Variants in PTPRT observed in about 807,000 individuals in gnomAD.
PTPRT encodes protein tyrosine phosphatase receptor type T.
A neutral mutation model predicts 176.8 loss-of-function variants in PTPRT; 56 were observed. The ratio of observed to expected loss-of-function variants is 0.32; its 90% CI spans 0.26 to 0.40. PTPRT has a LOEUF of 0.40. Ranked by LOEUF, PTPRT falls within the 10% of genes least tolerant of loss-of-function variation. The pLI, the probability that PTPRT is intolerant of heterozygous loss-of-function variation, is 1.00. For synonymous variants in PTPRT, 783 were observed against 739.0 expected (o/e 1.06, Z -0.96); for missense variants, 1,540 against 1,908.2 (o/e 0.81, Z 3.60).
chr20:42,820,714 A>G (rs1972552754), intron 2 of PTPRT, among the ~76,000 whole-genome samples: 1 of 152,176 alleles, frequency 6.6e-6, no homozygotes, highest in Admixed American at 6.5e-5. Flanking sequence ...AAACACAATA[A>G]AAAATGATAA....
chr20:42,847,507 G>A (rs1413684411), intron 2 of PTPRT, among the ~76,000 whole-genome samples: 3 of 152,198 alleles, frequency 2.0e-5, no homozygotes, highest in African/African-American at 4.8e-5. Flanking sequence ...AACACCACTA[G>A]CACAGCTCTC....
intron 11 of PTPRT, among the ~76,000 whole-genome samples, chr20:42,329,007 A>G (rs6030140): frequency 0.12 from 18,075 of 151,994 alleles, 1,494 homozygotes; most frequent in African/African-American, 0.24. Context: ...TTCCCTAAAT[A>G]CCAGCAAAAA....
chr20:42,207,394 A>G (rs1414877829), intron 15 of PTPRT, among the ~76,000 whole-genome samples: 3 of 135,328 alleles, frequency 2.2e-5, no homozygotes, highest in Non-Finnish European at 4.7e-5. Context: ...AAAACTTTGA[A>G]AAAAATTTAG....
chr20:43,179,972 T>C (rs558234172), intron 1 of PTPRT, among the ~76,000 whole-genome samples: 13 of 152,332 alleles, frequency 8.5e-5, no homozygotes, highest in Admixed American at 2.6e-4. Flanking sequence ...ATGTTATTTC[T>C]GGGTGTGTGT....
At chr20:42,845,763 G>A (rs553809665) in intron 2 of PTPRT, among the ~76,000 whole-genome samples, 4 of 152,290 alleles carry the variant, frequency 2.6e-5, no homozygotes, top group East Asian at 1.9e-4. Context: ...AAGGGCAAGC[G>A]AGATTATCCC....
chr20:42,100,993 A>C (rs1265485759), intron 26 of PTPRT, among the ~76,000 whole-genome samples: 1 of 152,182 alleles, frequency 6.6e-6, no homozygotes, highest in Non-Finnish European at 1.5e-5. Flanking sequence ...CTTGGGAGAA[A>C]CTTCAAGAGG....
chr20:42,673,174 C>T (rs997083688), intron 7 of PTPRT, among the ~76,000 whole-genome samples: 2 of 152,186 alleles, frequency 1.3e-5, no homozygotes, highest in African/African-American at 4.8e-5. Flanking sequence ...AGAGACCTAG[C>T]ATTTAACCGA....
chr20:42,927,195 A>G (rs1979544324), intron 1 of PTPRT, among the ~76,000 whole-genome samples: 1 of 152,202 alleles, frequency 6.6e-6, no homozygotes, highest in African/African-American at 2.4e-5. Context: ...CCCAGAGCTG[A>G]AGCCACTGCC....
intron 6 of PTPRT, among the ~76,000 whole-genome samples, chr20:42,716,025 C>T (rs1569106604): frequency 6.6e-6 from 1 of 152,108 alleles, no homozygotes; most frequent in Admixed American, 6.5e-5. Flanking sequence ...TTAAAAAGTA[C>T]TTGTGCAGTG....
chr20:42,106,977 G>A (rs1986512687), intron 23 of PTPRT, 56 bp from the exon 24 acceptor site: 1 of 1,588,924 alleles, frequency 6.3e-7, no homozygotes, highest in African/African-American at 1.3e-5. Flanking sequence ...CCTGCCCTGG[G>A]GAGGCCCCTA....
At chr20:42,797,745 T>C (rs930478210) in intron 2 of PTPRT, among the ~76,000 whole-genome samples, 1 of 152,112 alleles carries the variant, frequency 6.6e-6, no homozygotes, top group Non-Finnish European at 1.5e-5. Context: ...CACAATGTAA[T>C]CACAAGGGTC....
chr20:43,147,476 C>G (rs1486325566), intron 1 of PTPRT, among the ~76,000 whole-genome samples: 1 of 152,174 alleles, frequency 6.6e-6, no homozygotes, highest in Non-Finnish European at 1.5e-5. Flanking sequence ...AGGGACTTCT[C>G]AATAGCAGAG....
chr20:42,637,545 C>A (rs980809997), intron 7 of PTPRT, among the ~76,000 whole-genome samples: 1 of 152,180 alleles, frequency 6.6e-6, no homozygotes. Flanking sequence ...GTTCTTTGTG[C>A]AGAGAAGCTT....
At chr20:43,129,854 G>GT (rs2013588390) in intron 1 of PTPRT, among the ~76,000 whole-genome samples, 1 of 151,824 alleles carries the variant, frequency 6.6e-6, no homozygotes. Flanking sequence ...TCCTGACCTC[G>GT]TGATCCGCCC....
At chr20:43,155,197 G>A (rs940877860) in intron 1 of PTPRT, among the ~76,000 whole-genome samples, 2 of 152,144 alleles carry the variant, frequency 1.3e-5, no homozygotes, top group African/African-American at 2.4e-5. Flanking sequence ...TCACTTCTGG[G>A]TATATATCCA....
chr20:42,712,291 C>T (rs1274385712), intron 6 of PTPRT, among the ~76,000 whole-genome samples: 2 of 152,148 alleles, frequency 1.3e-5, no homozygotes, highest in Non-Finnish European at 2.9e-5. Flanking sequence ...CTTAGATTTT[C>T]TCAGGCCACA....
rs182286959 is a variant in PTPRT at position 42,719,516 on chromosome 20, G to T, written c.859+36946C>A. The stretch of plus-strand genomic sequence containing the variant: ...AGCTTGGCAGGAAGGCAAGAAGTTA[G>T]CTCTATAGCCGTGGTCCTTGGGCAA... On this transcript the variant is annotated intron_variant, in intron 6 of 30. Coordinates refer to ENST00000373187, the MANE Select transcript of PTPRT (RefSeq NM_007050.6). Among the ~76,000 whole-genome samples, 13 of 152,322 alleles carry T rather than the reference G, an allele frequency of 8.5e-5. No homozygotes were observed. In the East Asian group the frequency reaches 2.3e-3, roughly 27 times the overall value.
intron 6 of PTPRT, among the ~76,000 whole-genome samples, chr20:42,703,048 C>T (rs1484608793): frequency 6.6e-6 from 1 of 152,222 alleles, no homozygotes; most frequent in Non-Finnish European, 1.5e-5. Context: ...AGCATATCTA[C>T]TTTCCCACTC....
At chr20:42,168,749 G>A (rs958723919) in intron 16 of PTPRT, among the ~76,000 whole-genome samples, 1 of 152,156 alleles carries the variant, frequency 6.6e-6, no homozygotes, top group Admixed American at 6.5e-5. Context: ...GAAGCAGTTG[G>A]CTTGTGCTTA....
Sources: gnomAD v4.1 joint callset for allele counts (sites outside exome capture counted in the v4.1 genomes callset) on GRCh38, gnomAD v4.1.1 for gene constraint, MANE v1.5 for transcripts, NCBI Gene and HGNC (gene_info 2026-07-23, HGNC 2026-07-21) for gene names.